CCDC14: variants seen among roughly 807,000 people sequenced by gnomAD.
CCDC14 encodes the protein coiled-coil domain-containing protein 14.
In CCDC14, 71 loss-of-function variants were observed where a neutral mutation model predicts 81.4. The ratio of observed to expected loss-of-function variants is 0.87; its 90% CI spans 0.72 to 1.06. The LOEUF (loss-of-function observed/expected upper bound fraction) is 1.06, where lower values mean the gene tolerates loss of function less well. CCDC14 is among the 50% of genes least tolerant of loss of function. The probability of loss-of-function intolerance (pLI) is 0.00; values close to 1 mark genes in which losing one functional copy is unlikely to be tolerated. For synonymous variants in CCDC14, 332 were observed against 364.8 expected (o/e 0.91, Z 1.03); for missense variants, 1,046 against 1,047.3 (o/e 1.00, Z 0.02).
At chr3:123,951,063 T>A (rs2036991440) in intron 5 of CCDC14, among the ~76,000 whole-genome samples, 1 of 152,226 alleles carries the variant, frequency 6.6e-6, no homozygotes, top group Non-Finnish European at 1.5e-5. Flanking sequence ...CCTATAAATG[T>A]ACTTTCCAGA....
chr3:123,927,153 C>G (rs1350524583), intron 12 of CCDC14, among the ~76,000 whole-genome samples: 3 of 151,562 alleles, frequency 2.0e-5, no homozygotes, highest in Non-Finnish European at 2.9e-5. Flanking sequence ...TGCTGGTAAT[C>G]CCAGCACTTT....
the CCDC14 span, among the ~76,000 whole-genome samples, chr3:123,888,291 AT>A: frequency 2.0e-5 from 3 of 151,838 alleles, no homozygotes; most frequent in African/African-American, 7.3e-5. Context: ...TGACCTTAGT[AT>A]TTTTTTTGTT....
chr3:123,914,763 G>A lies in CCDC14; in HGVS notation c.*16C>T, dbSNP rs377035857. The A allele has an allele frequency of 3.2e-4, 475 of 1,488,750 alleles. No individual in the cohort carries two copies. Among genetic ancestry groups the A allele is most frequent in the Non-Finnish European group, 4.0e-4 (450 of 1,120,472 alleles). 92.2% of individuals were successfully genotyped at this position (1,488,750 alleles called of 1,614,324 possible). A position where few individuals can be genotyped will look rare whatever the true frequency, so the allele number is the denominator to read the frequency against. On this transcript the variant is annotated 3_prime_UTR_variant, in exon 13 of 13. Coordinates refer to ENST00000409697, the MANE Select transcript of CCDC14 (RefSeq NM_001366335.1). ...CTAGTTTTAAAAAGAAGCACCTGAT[G>A]AGTTTTCTTCTGAATTCATTTCTCC...
chr3:123,955,603 T>G, intron 5 of CCDC14: 1 of 319,008 alleles, frequency 3.1e-6, no homozygotes, highest in South Asian at 8.0e-5. Flanking sequence ...CATTCTGAGT[T>G]TGAACTTTTT....
rs1266699456 is a variant in CCDC14, at chr3:123,948,937, T to G, written c.548A>C (p.Asn183Thr). ...ATGGCATGGTACAGCAGGAATTCCA[T>G]TAGGGATGTTCTTTGAAGTCAAGTC... is the stretch of plus-strand genomic sequence containing the variant. The part of the protein sequence containing the change: ...MNDLTSKNIP[N>T]GIPAVPCHAP... The change falls in exon 6 of 13, where the codon AAT (asparagine) becomes ACT (threonine). Residue 183 changes from asparagine (N) to threonine (T), a missense_variant. Transcript: ENST00000409697. 6.2e-7 allele frequency: 1 copy of G among 1,613,832 alleles called. No homozygotes were observed. The highest frequency in any genetic ancestry group is 1.3e-5 in the African/African-American group (1 of 74,938).
Position 123,945,554 on chromosome 3 carries a change from G to A in CCDC14, c.1202-564C>T, listed in dbSNP as rs529125116. 2.0e-5 allele frequency among the ~76,000 whole-genome samples: 3 copies of A among 152,186 alleles called. No homozygotes were observed. In the East Asian group the frequency reaches 5.8e-4, roughly 29 times the overall value. On this transcript the variant is annotated intron_variant, in intron 8 of 12. Transcript: ENST00000409697. ...TGACATCAAAAGTTTGTTAATAATT[G>A]TGGACAGTAGATGTTTTTGGAGATT...
chr3:123,889,904 T>C, the CCDC14 span, among the ~76,000 whole-genome samples: 1 of 152,290 alleles, frequency 6.6e-6, no homozygotes, highest in Middle Eastern at 3.4e-3. Context: ...TGGAGGTTCA[T>C]GAATTAGTCC....
chr3:123,957,336 C>T (rs1167639781), intron 1 of CCDC14: 1 of 152,136 alleles, frequency 6.6e-6, no homozygotes, highest in African/African-American at 2.4e-5. Flanking sequence ...GTAACTACTA[C>T]ACTAAGTTCA....
At position 123,916,462 on chromosome 3, in the gene CCDC14, ATGTGTT is replaced by A. The variant is rs897891564; in HGVS notation, c.1779-750_1779-745del. Among the ~76,000 whole-genome samples, 72 of 81,984 alleles carry A rather than the reference ATGTGTT, an allele frequency of 8.8e-4. 1 individual carries two copies. The East Asian group carries it at 0.013, about 15-fold the overall frequency. 53.8% of individuals were successfully genotyped at this position (81,984 alleles called of 152,430 possible). A position where few individuals can be genotyped will look rare whatever the true frequency, so the allele number is the denominator to read the frequency against. ...TAGGAATTATTTCCCTTCATTATAT[ATGTGTT>A]TGTGTGTGTGTGTGTGTGTGTGTGT... On this transcript the variant is annotated intron_variant, in intron 12 of 12. Coordinates refer to ENST00000409697, the MANE Select transcript of CCDC14 (RefSeq NM_001366335.1).
At chr3:123,958,249 A>T (rs981678337) in intron 1 of CCDC14, 1 of 152,126 alleles carries the variant, frequency 6.6e-6, no homozygotes, top group African/African-American at 2.4e-5. Flanking sequence ...AAGCCATGAC[A>T]CTATAATACT....
downstream of CCDC14, among the ~76,000 whole-genome samples, chr3:123,892,319 C>A (rs368584076): frequency 2.0e-5 from 3 of 152,312 alleles, no homozygotes; most frequent in East Asian, 3.9e-4. Flanking sequence ...TATCTTGGCC[C>A]CTTTTAGTCA....
chr3:123,887,163 C>T, the CCDC14 span, among the ~76,000 whole-genome samples: 1 of 152,072 alleles, frequency 6.6e-6, no homozygotes, highest in Non-Finnish European at 1.5e-5. Context: ...GCTTCTATAG[C>T]CATCTATACC....
intron 12 of CCDC14, among the ~76,000 whole-genome samples, chr3:123,929,244 T>C (rs927487280): frequency 2.6e-5 from 4 of 152,148 alleles, no homozygotes; most frequent in Admixed American, 2.6e-4. Context: ...TTTTCTTTAC[T>C]AAACAGACTG....
chr3:123,918,421 T>A (rs2034836083), intron 12 of CCDC14, among the ~76,000 whole-genome samples: 1 of 152,142 alleles, frequency 6.6e-6, no homozygotes, highest in Non-Finnish European at 1.5e-5. Context: ...GGAATAAGAG[T>A]TTCCTGGCTC....
intron 5 of CCDC14, among the ~76,000 whole-genome samples, chr3:123,901,238 T>TA (rs563146627): frequency 5.7e-4 from 80 of 141,516 alleles, no homozygotes; most frequent in African/African-American, 2.0e-3. Flanking sequence ...ATCTCAAAAA[T>TA]AAAAAAATAA....
chr3:123,933,066 T>A (rs1429322700), intron 10 of CCDC14, among the ~76,000 whole-genome samples: 3 of 151,892 alleles, frequency 2.0e-5, no homozygotes, highest in African/African-American at 7.3e-5. Flanking sequence ...ACCACTGCAC[T>A]CCAGCCTGGG....
intron 12 of CCDC14, among the ~76,000 whole-genome samples, chr3:123,927,249 T>TAAAAAAAAAAAAAA: frequency 8.0e-6 from 1 of 124,308 alleles, no homozygotes. Context: ...CTACTAAAAG[T>TAAAAAAAAAAAAAA]AAAAAAAAAA....
the CCDC14 span, among the ~76,000 whole-genome samples, chr3:123,886,541 G>A: frequency 1.3e-3 from 199 of 152,118 alleles, no homozygotes; most frequent in African/African-American, 4.6e-3. Flanking sequence ...GGGATTATAG[G>A]CACGTGCCAC....
chr3:123,914,999 T>A lies in CCDC14; in HGVS notation c.2498A>T (p.His833Leu). Reference protein sequence around the residue: ...TKEPEEQTACHGPSGCLSNSL... With the variant: ...TKEPEEQTACLGPSGCLSNSL... ...GTTGCTAAGACAACCTGATGGGCCATGACATGCAGTTTGTTCCTCTGGCTC... is the reference window on the plus strand; with the variant it reads ...GTTGCTAAGACAACCTGATGGGCCAAGACATGCAGTTTGTTCCTCTGGCTC... Residue 833 changes from histidine to leucine, a missense_variant, in exon 13 of 13, where the codon CAT becomes CTT. Transcript: ENST00000409697. 6.2e-7 allele frequency: 1 copy of A among 1,614,044 alleles called. No individual in the cohort carries two copies. The highest frequency in any genetic ancestry group is 8.5e-7 in the Non-Finnish European group (1 of 1,179,886).
Sources: gnomAD v4.1 joint callset for allele counts (sites outside exome capture counted in the v4.1 genomes callset) on GRCh38, gnomAD v4.1.1 for gene constraint, MANE v1.5 for transcripts, NCBI Gene and HGNC (gene_info 2026-07-23, HGNC 2026-07-21) for gene names.